Variants in SPATA17 observed in about 807,000 individuals in gnomAD.
SPATA17 encodes spermatogenesis-associated protein 17.
Under a neutral mutation model 62.2 loss-of-function variants are expected in SPATA17, and 53 were observed. The observed-to-expected ratio is 0.85, with a 90% CI of 0.68 to 1.07. SPATA17 has a LOEUF of 1.07. SPATA17 is among the 50% of genes least tolerant of loss of function. The pLI is 0.00. For synonymous variants in SPATA17, 146 were observed against 146.8 expected, an observed-to-expected ratio of 0.99 and a Z score of 0.04; for missense variants, 466 against 425.5, an observed-to-expected ratio of 1.10 and a Z score of -0.84.
intron 3 of SPATA17, among the ~76,000 whole-genome samples, chr1:217,666,246 T>C (rs939391538): frequency 6.6e-6 from 1 of 152,194 alleles, no homozygotes; most frequent in African/African-American, 2.4e-5. Context: ...TTGGATATGT[T>C]ATTAACATTC....
intron 5 of SPATA17, among the ~76,000 whole-genome samples, chr1:217,716,383 TG>T (rs1413950258): frequency 6.6e-6 from 1 of 152,208 alleles, no homozygotes; most frequent in Non-Finnish European, 1.5e-5. Flanking sequence ...GGGTGGTGTT[TG>T]TATTTGCCCT....
At chr1:217,760,753 G>T (rs1222951515) in intron 6 of SPATA17, among the ~76,000 whole-genome samples, 1 of 152,044 alleles carries the variant, frequency 6.6e-6, no homozygotes, top group Non-Finnish European at 1.5e-5. Flanking sequence ...CTGTAATTCT[G>T]GAGGTTTTTC....
In SPATA17 at chr1:217,669,154, G is replaced by A. The variant is rs1052681737; in HGVS notation, c.291+71G>A. On this transcript the variant is annotated intron_variant, in intron 4 of 10. Coordinates refer to ENST00000366933, the MANE Select transcript of SPATA17 (RefSeq NM_138796.4). ...CCTGAATTCGCTTTTAATAAAATGAGCAAAGCAGAATAATGCAAATTTGAT... is the reference window on the plus strand; with the variant it reads ...CCTGAATTCGCTTTTAATAAAATGAACAAAGCAGAATAATGCAAATTTGAT... 2.2e-5 allele frequency: 30 copies of A among 1,381,942 alleles called. No individual in the cohort carries two copies. In the Admixed American group the frequency reaches 5.1e-4, roughly 23 times the overall value. 85.6% of individuals were successfully genotyped at this position (1,381,942 alleles called of 1,614,324 possible).
At chr1:217,804,598 A>G (rs1270027924) in intron 9 of SPATA17, among the ~76,000 whole-genome samples, 2 of 152,154 alleles carry the variant, frequency 1.3e-5, no homozygotes, top group East Asian at 3.8e-4. Flanking sequence ...CAGCGTAAAG[A>G]GACAAACTAT....
At chr1:217,781,834 T>A (rs1477786742) in intron 7 of SPATA17, among the ~76,000 whole-genome samples, 1 of 152,106 alleles carries the variant, frequency 6.6e-6, no homozygotes, top group Non-Finnish European at 1.5e-5. Flanking sequence ...GAGACAATCC[T>A]TTTTTTAATT....
chr1:217,732,133 T>G (rs1558583685), intron 5 of SPATA17, among the ~76,000 whole-genome samples: 1 of 146,290 alleles, frequency 6.8e-6, no homozygotes, highest in Non-Finnish European at 1.5e-5. Flanking sequence ...TGTAATAGTT[T>G]CTTATCCAAC....
chr1:217,764,711 T>C (rs1425186883), intron 6 of SPATA17, among the ~76,000 whole-genome samples: 1 of 152,200 alleles, frequency 6.6e-6, no homozygotes, highest in Non-Finnish European at 1.5e-5. Flanking sequence ...TTCCTGTTGC[T>C]CCACACCCAT....
intron 3 of SPATA17, among the ~76,000 whole-genome samples, chr1:217,659,010 C>A (rs1365837742): frequency 6.6e-6 from 1 of 152,048 alleles, no homozygotes; most frequent in African/African-American, 2.4e-5. Context: ...ACATGAAAAA[C>A]CTGATGATAT....
At position 217,759,124 on chromosome 1, in the gene SPATA17, A is replaced by G. The variant is rs558170075; in HGVS notation, c.520-15210A>G. Among the ~76,000 whole-genome samples, 38 of 152,316 alleles carry G rather than the reference A, an allele frequency of 2.5e-4. No homozygotes were observed. The South Asian group carries it at 7.9e-3, about 32-fold the overall frequency. On this transcript the variant is annotated intron_variant, in intron 6 of 10. Transcript: ENST00000366933. ...GGAATAACCAGCAAGTCAGTTTATG[A>G]TAACTACAATAGGGAAAAACATGAA...
At chr1:217,687,480 T>C (rs1003644402) in intron 5 of SPATA17, among the ~76,000 whole-genome samples, 11 of 152,220 alleles carry the variant, frequency 7.2e-5, no homozygotes, top group African/African-American at 2.7e-4. Context: ...CGTACGACAT[T>C]TATGACAGTG....
intron 9 of SPATA17, among the ~76,000 whole-genome samples, chr1:217,855,968 G>A (rs1029691403): frequency 6.6e-6 from 1 of 151,698 alleles, no homozygotes; most frequent in South Asian, 2.1e-4. Flanking sequence ...CTCGTGTTCT[G>A]CCCCCCTGAA....
intron 9 of SPATA17, among the ~76,000 whole-genome samples, chr1:217,815,893 T>C (rs1674700456): frequency 6.6e-6 from 1 of 152,200 alleles, no homozygotes; most frequent in African/African-American, 2.4e-5. Flanking sequence ...TCCCCCAACA[T>C]CTATCTCATT....
chr1:217,742,454 C>T (rs1672645497), intron 6 of SPATA17, among the ~76,000 whole-genome samples: 1 of 152,126 alleles, frequency 6.6e-6, no homozygotes, highest in Non-Finnish European at 1.5e-5. Context: ...GCTGAGGTTG[C>T]TTTCATGTTT....
chr1:217,708,958 A>C (rs1031531920), intron 5 of SPATA17, among the ~76,000 whole-genome samples: 5 of 152,176 alleles, frequency 3.3e-5, no homozygotes, highest in African/African-American at 1.2e-4. Flanking sequence ...CATATGCAAA[A>C]AAAAAAGGCT....
At chr1:217,799,812 T>C (rs1674259041) in intron 8 of SPATA17, among the ~76,000 whole-genome samples, 1 of 152,078 alleles carries the variant, frequency 6.6e-6, no homozygotes, top group Admixed American at 6.6e-5. Flanking sequence ...AGATCATCTG[T>C]GTGAAAATTT....
chr1:217,862,691 A>G (rs1675921035), intron 9 of SPATA17, 83 bp from the exon 10 acceptor site: 2 of 1,019,312 alleles, frequency 2.0e-6, no homozygotes, highest in Non-Finnish European at 2.9e-6. Flanking sequence ...CTGTCTAGCA[A>G]TTTAATCTAA....
intron 4 of SPATA17, among the ~76,000 whole-genome samples, chr1:217,671,829 G>T (rs1558560034): frequency 1.3e-5 from 2 of 152,176 alleles, no homozygotes; most frequent in African/African-American, 4.8e-5. Context: ...GTTACTATGG[G>T]AAATTTATAA....
chr1:217,782,107 C>A, intron 7 of SPATA17, 67 bp from the exon 8 acceptor site: 1 of 1,442,166 alleles, frequency 6.9e-7, no homozygotes, highest in South Asian at 1.6e-5. Context: ...GTTCACTAGC[C>A]TTGGTCATCA....
intron 9 of SPATA17, among the ~76,000 whole-genome samples, chr1:217,804,309 A>T (rs1207465638): frequency 1.3e-5 from 2 of 152,218 alleles, no homozygotes; most frequent in African/African-American, 2.4e-5. Flanking sequence ...TGGGGACAGG[A>T]TGGTCTCTTC....
Sources: gnomAD v4.1 joint callset for allele counts (sites outside exome capture counted in the v4.1 genomes callset) on GRCh38, gnomAD v4.1.1 for gene constraint, MANE v1.5 for transcripts, NCBI Gene and HGNC (gene_info 2026-07-23, HGNC 2026-07-21) for gene names.